ENPP6: variants seen among roughly 807,000 people sequenced by gnomAD.
ENPP6 encodes the protein glycerophosphocholine cholinephosphodiesterase ENPP6.
A neutral mutation model predicts 42.0 loss-of-function variants in ENPP6; 32 were observed. The ratio of observed to expected loss-of-function variants is 0.76; its 90% CI spans 0.58 to 1.02. The LOEUF (loss-of-function observed/expected upper bound fraction) is 1.02, where lower values mean the gene tolerates loss of function less well. ENPP6 is among the 50% of genes least tolerant of loss of function. The pLI is 0.00. For synonymous variants in ENPP6, 213 were observed against 216.0 expected (o/e 0.99, Z 0.12); for missense variants, 552 against 566.8 (o/e 0.97, Z 0.27).
chr4:184,127,595 C>CA (rs1296357894), intron 2 of ENPP6, among the ~76,000 whole-genome samples: 3 of 151,912 alleles, frequency 2.0e-5, no homozygotes, highest in Admixed American at 6.6e-5. Context: ...CTGCCTCTAC[C>CA]AAAAATATAA....
At chr4:184,114,876 G>C (rs1340352680) in intron 5 of ENPP6, among the ~76,000 whole-genome samples, 2 of 152,128 alleles carry the variant, frequency 1.3e-5, no homozygotes, top group Non-Finnish European at 2.9e-5. Flanking sequence ...TGGGAACACT[G>C]CATAAACATA....
intron 1 of ENPP6, among the ~76,000 whole-genome samples, chr4:184,206,349 C>T (rs893231487): frequency 1.7e-5 from 2 of 120,918 alleles, no homozygotes; most frequent in Non-Finnish European, 3.5e-5. Context: ...GCTCCGCCTC[C>T]CGGGTTCCCG....
In ENPP6 at chr4:184,091,029, T is replaced by C. The variant is rs1735780241; in HGVS notation, c.*148A>G. On this transcript the variant is annotated 3_prime_UTR_variant, in exon 8 of 8. Transcript: ENST00000296741. ...TTTAACAAGTAGGAACTTTTATGTA[T>C]AGAATTATCCAAGAATAATGTATTT... 1.4e-6 allele frequency: 1 copy of C among 724,384 alleles called. No individual in the cohort carries two copies. Among genetic ancestry groups the C allele is most frequent in the Non-Finnish European group, 2.0e-6 (1 of 497,502 alleles). 44.9% of individuals were successfully genotyped at this position (724,384 alleles called of 1,614,324 possible).
intron 1 of ENPP6, among the ~76,000 whole-genome samples, chr4:184,204,438 C>G (rs2111118045): frequency 6.6e-6 from 1 of 152,338 alleles, no homozygotes; most frequent in African/African-American, 2.4e-5. Flanking sequence ...CTAGGTCCGA[C>G]AGCCAGACCA....
intron 1 of ENPP6, among the ~76,000 whole-genome samples, chr4:184,192,454 G>A (rs2091734): frequency 8.6e-5 from 13 of 152,000 alleles, no homozygotes; most frequent in African/African-American, 3.1e-4. Flanking sequence ...TTCAAAAGGG[G>A]TCACAAACTT....
chr4:184,151,660 T>C (rs561433633), intron 2 of ENPP6, among the ~76,000 whole-genome samples: 30 of 152,328 alleles, frequency 2.0e-4, no homozygotes, highest in African/African-American at 6.0e-4. Context: ...CTCAGATTTG[T>C]TTCCGGGTGG....
At chr4:184,135,851 C>A (rs1485586392) in intron 2 of ENPP6, among the ~76,000 whole-genome samples, 2 of 152,164 alleles carry the variant, frequency 1.3e-5, no homozygotes, top group African/African-American at 2.4e-5. Context: ...TCTAACACTG[C>A]ACATTAGCTT....
intron 5 of ENPP6, among the ~76,000 whole-genome samples, chr4:184,113,916 T>TTTCC (rs1491231878): frequency 2.3e-5 from 3 of 132,154 alleles, no homozygotes; most frequent in Non-Finnish European, 5.0e-5. Context: ...TCTTTCTTTC[T>TTTCC]TTCTTTCTTT....
intron 2 of ENPP6, among the ~76,000 whole-genome samples, chr4:184,135,152 G>A (rs1278688378): frequency 6.6e-6 from 1 of 151,986 alleles, no homozygotes; most frequent in Non-Finnish European, 1.5e-5. Flanking sequence ...ATGTATACTT[G>A]AAAATAATGT....
Position 184,137,099 on chromosome 4 carries a change from T to C in ENPP6, c.422-12827A>G, listed in dbSNP as rs181307240. Among the ~76,000 whole-genome samples the C allele has an allele frequency of 5.3e-5, 8 of 152,216 alleles. No individual in the cohort carries two copies. The East Asian group carries it at 1.2e-3, about 22-fold the overall frequency. ...TTTGTGATTTAGTCTTTTATCAGAG[T>C]TCTTTTTGTTTTTCTGAGATGGAGT... is the stretch of plus-strand genomic sequence containing the variant. On this transcript the variant is annotated intron_variant, in intron 2 of 7. Coordinates refer to ENST00000296741, the MANE Select transcript of ENPP6 (RefSeq NM_153343.4).
rs1733061726 is a variant in ENPP6, at chr4:184,209,030, C to A, written c.241+8549G>T. 2.8e-5 allele frequency among the ~76,000 whole-genome samples: 4 copies of A among 145,138 alleles called. No individual in the cohort carries two copies. The South Asian group carries it at 6.6e-4, about 24-fold the overall frequency. Reference sequence around the variant, plus strand: ...ACAGACCTGCAGCTGAGGGTCCTGTCTGTTAGAAGGAAAACTAACAAACAG... The same window carrying A: ...ACAGACCTGCAGCTGAGGGTCCTGTATGTTAGAAGGAAAACTAACAAACAG... On this transcript the variant is annotated intron_variant, in intron 1 of 7. Transcript: ENST00000296741.
At chr4:184,202,911 C>G (rs1200775637) in intron 1 of ENPP6, among the ~76,000 whole-genome samples, 1 of 152,136 alleles carries the variant, frequency 6.6e-6, no homozygotes, top group Non-Finnish European at 1.5e-5. Flanking sequence ...TCACAGCAAG[C>G]CTATTGGGTA....
At chr4:184,216,172 G>A (rs1434004116) in intron 1 of ENPP6, among the ~76,000 whole-genome samples, 1 of 152,202 alleles carries the variant, frequency 6.6e-6, no homozygotes, top group Non-Finnish European at 1.5e-5. Flanking sequence ...AGCTGGAGTC[G>A]GCTGTCCACA....
chr4:184,103,291 A>G (rs544995400), intron 6 of ENPP6, among the ~76,000 whole-genome samples: 2 of 152,356 alleles, frequency 1.3e-5, no homozygotes, highest in Admixed American at 6.5e-5. Flanking sequence ...GTGTGGGGTC[A>G]GGGACCCAAG....
At chr4:184,179,892 A>G (rs1299438748) in intron 1 of ENPP6, among the ~76,000 whole-genome samples, 1 of 152,028 alleles carries the variant, frequency 6.6e-6, no homozygotes, top group Non-Finnish European at 1.5e-5. Context: ...GGAAATTTAT[A>G]GCACTGAATG....
At chr4:184,100,687 C>T (rs576317966) in intron 6 of ENPP6, among the ~76,000 whole-genome samples, 1 of 152,306 alleles carries the variant, frequency 6.6e-6, no homozygotes, top group African/African-American at 2.4e-5. Flanking sequence ...CCCCACTCCT[C>T]AACTGGTGGG....
intron 2 of ENPP6, among the ~76,000 whole-genome samples, chr4:184,151,198 C>T (rs1211866017): frequency 3.3e-5 from 5 of 152,236 alleles, no homozygotes; most frequent in East Asian, 3.9e-4. Context: ...ATTAGCCAGG[C>T]GTGGTGGTGC....
rs1190537587 is a variant in ENPP6, at chr4:184,184,530, TG to T, written c.242-30798del. Among the ~76,000 whole-genome samples, 1 of 152,168 alleles carries T rather than the reference TG, an allele frequency of 6.6e-6. No homozygotes were observed. Among genetic ancestry groups the T allele is most frequent in the Non-Finnish European group, 1.5e-5 (1 of 68,036 alleles). On this transcript the variant is annotated intron_variant, in intron 1 of 7. Transcript: ENST00000296741. This position sits in a 1 kb window ranked among gnomAD's most constrained non-coding sequence, Gnocchi z 4.7. ...TTAAAATATGAGGGAAAGCAAATCG[TG>T]GCTCCACAACCTGTGTCTACCCAGA... is the stretch of plus-strand genomic sequence containing the variant.
chr4:184,193,705 T>A (rs931849751), intron 1 of ENPP6, among the ~76,000 whole-genome samples: 4 of 152,194 alleles, frequency 2.6e-5, no homozygotes, highest in Non-Finnish European at 4.4e-5. Context: ...ATATATGGGA[T>A]CTAATTAGCA....
Sources: gnomAD v4.1 joint callset for allele counts (sites outside exome capture counted in the v4.1 genomes callset) on GRCh38, gnomAD v4.1.1 for gene constraint, Gnocchi (gnomAD v3.1) non-coding constraint, MANE v1.5 for transcripts, NCBI Gene and HGNC (gene_info 2026-07-23, HGNC 2026-07-21) for gene names.